SIX5: variants seen among roughly 807,000 people sequenced by gnomAD.
SIX5 encodes homeobox protein SIX5.
SIX5 carries 21 observed loss-of-function variants against 37.1 expected under a neutral mutation model. That is an observed-to-expected ratio of 0.57 (90% CI 0.40 to 0.81). The LOEUF (loss-of-function observed/expected upper bound fraction) is 0.81, where lower values mean the gene tolerates loss of function less well. SIX5 is among the 40% of genes least tolerant of loss of function. The probability of loss-of-function intolerance (pLI) is 0.00; values close to 1 mark genes in which losing one functional copy is unlikely to be tolerated. For synonymous variants in SIX5, 626 were observed against 505.9 expected (o/e 1.24, Z -3.19); for missense variants, 1,137 against 1,025.1 (o/e 1.11, Z -1.49).
In SIX5 at chr19:45,766,689, G is replaced by T. The variant is rs1461757376; in HGVS notation, c.1270C>A (p.Pro424Thr). ...GPALGEEVLG[P>T]LAQVVPGPPT... ...GGGCCAGGCACCACTTGGGCCAGGGGCCCCAGGACCTCCTCTCCAAGGGCT... is the reference window on the plus strand; with the variant it reads ...GGGCCAGGCACCACTTGGGCCAGGGTCCCCAGGACCTCCTCTCCAAGGGCT... Residue 424 changes from proline (P) to threonine (T), a missense_variant, in exon 2 of 3, where the codon CCC becomes ACC. Coordinates refer to ENST00000317578, the MANE Select transcript of SIX5 (RefSeq NM_175875.5). The T allele has an allele frequency of 3.3e-6, 5 of 1,517,054 alleles. No homozygotes were observed. In the South Asian group the frequency reaches 6.2e-5, roughly 19 times the overall value. The allele number at this position is 1,517,054 out of a possible 1,614,324, so 94.0% of individuals were successfully genotyped here. A position where few individuals can be genotyped will look rare whatever the true frequency, so the allele number is the denominator to read the frequency against.
Position 45,768,039 on chromosome 19 carries a change from C to T in SIX5, c.803+3G>A. 6.3e-7 allele frequency: 1 copy of T among 1,594,406 alleles called. No homozygotes were observed. Among genetic ancestry groups the T allele is most frequent in the Non-Finnish European group, 8.5e-7 (1 of 1,177,874 alleles). On this transcript the variant is annotated splice_donor_region_variant and intron_variant, in intron 1 of 2. Transcript: ENST00000317578. The stretch of plus-strand genomic sequence containing the variant: ...TGGACTTGCGCCGCCCGAGGCCCCT[C>T]ACCTCTTGCAGGGCGCGCCGCCTCC...
chr19:45,768,403 C>T lies in SIX5; in HGVS notation c.442G>A (p.Glu148Lys), dbSNP rs1969133008. ...TGGGCGGCGGGGAAGGGGCGGCTCTCGAGTAGCCGGTAGAGCTCGGCGTAC... is the reference window on the plus strand; with the variant it reads ...TGGGCGGCGGGGAAGGGGCGGCTCTTGAGTAGCCGGTAGAGCTCGGCGTAC... ...GEYAELYRLL[E>K]SRPFPAAHHA... The change falls in exon 1 of 3, where the codon GAG becomes AAG. Residue 148 changes from glutamate (E) to lysine (K), a missense_variant. Around this residue, in one of 3 missense-constraint regions of SIX5, gnomAD observed 331 missense variants for 360.9 expected, o/e 0.92. Coordinates refer to ENST00000317578, the MANE Select transcript of SIX5 (RefSeq NM_175875.5). 6.4e-7 allele frequency: 1 copy of T among 1,564,386 alleles called. No homozygotes were observed. Among genetic ancestry groups the T allele is most frequent in the African/African-American group, 1.3e-5 (1 of 74,178 alleles).
chr19:45,766,980 A>T lies in SIX5; in HGVS notation c.979T>A (p.Phe327Ile), dbSNP rs753394237. ...GCTGGGGAGCCGCTGGCTGCCAGGA[A>T]GCTCCCGTTCACCAGGATGGAGGAG... is the stretch of plus-strand genomic sequence containing the variant. ...ASSSILVNGS[F>I]LAASGSPAVL... Residue 327 changes from phenylalanine (F) to isoleucine (I), a missense_variant, in exon 2 of 3, where the codon TTC becomes ATC. By Grantham distance (21) the Phe-to-Ile change is conservative (BLOSUM62 0). Around this residue, in one of 3 missense-constraint regions of SIX5, gnomAD observed 787 missense variants for 621.4 expected, o/e 1.27. Coordinates refer to ENST00000317578, the MANE Select transcript of SIX5 (RefSeq NM_175875.5). 10 of 1,599,968 alleles carry T rather than the reference A, an allele frequency of 6.3e-6. No individual in the cohort carries two copies. The African/African-American group carries it at 1.2e-4, about 19-fold the overall frequency.
At chr19:45,767,881 A>C (rs2146208271) in intron 1 of SIX5, 161 bp downstream of exon 1, 1 of 733,184 alleles carries the variant, frequency 1.4e-6, no homozygotes, top group East Asian at 2.8e-5. Context: ...TCCCGTCCAC[A>C]CTTAGTCCCC....
In SIX5 at chr19:45,765,574, T is replaced by C. The variant is rs1315472515; in HGVS notation, c.2147A>G (p.Glu716Gly). 1 of 1,613,284 alleles carries C rather than the reference T, an allele frequency of 6.2e-7. No individual in the cohort carries two copies. Among genetic ancestry groups the C allele is most frequent in the South Asian group, 1.1e-5 (1 of 91,084 alleles). Residue 716 changes from glutamate (E) to glycine (G), a missense_variant, in exon 3 of 3, where the codon GAG becomes GGG. This residue lies in a region of SIX5 where 787 missense variants were observed against 621.4 expected (regional missense o/e 1.27). Coordinates refer to ENST00000317578, the MANE Select transcript of SIX5 (RefSeq NM_175875.5). ...LGATAGGEVD[E>G]GLEAEAKVLT... is the part of the protein sequence containing the mutation. Reference sequence around the variant, plus strand: ...AACCTTGGCCTCAGCTTCCAACCCCTCGTCAACCTCACCCCCTGCGGTGGC... The same window carrying C: ...AACCTTGGCCTCAGCTTCCAACCCCCCGTCAACCTCACCCCCTGCGGTGGC...
At position 45,768,266 on chromosome 19, in the gene SIX5, C is replaced by T; in HGVS notation, c.579G>A (p.Pro193=). 1.2e-6 allele frequency: 2 copies of T among 1,612,842 alleles called. No individual in the cohort carries two copies. Among genetic ancestry groups the T allele is most frequent in the Non-Finnish European group, 1.7e-6 (2 of 1,179,640 alleles). ...CGCCGTCCCAGATGGTCTTGGGCAG[C>T]GGGAACTTCTTGCGCAGTCGATACT... ...VDKYRLRKKF[P]LPKTIWDGEE... The change falls in exon 1 of 3, where the codon CCG becomes CCA. Residue 193 remains proline (P), a synonymous_variant. Transcript: ENST00000317578.
chr19:45,765,375 G>A lies in SIX5; in HGVS notation c.*126C>T, dbSNP rs1969047227. ...CCCAGCACCACCAGGGCTTGGAGAGGCCACCCAGGCAGAAGGATGTGGTGA... is the reference window on the plus strand; with the variant it reads ...CCCAGCACCACCAGGGCTTGGAGAGACCACCCAGGCAGAAGGATGTGGTGA... On this transcript the variant is annotated 3_prime_UTR_variant, in exon 3 of 3. Transcript: ENST00000317578. The A allele has an allele frequency of 2.1e-6, 3 of 1,407,318 alleles. No homozygotes were observed. Among genetic ancestry groups the A allele is most frequent in the Non-Finnish European group, 2.0e-6 (2 of 1,003,530 alleles). 87.2% of individuals were successfully genotyped at this position (1,407,318 alleles called of 1,614,324 possible). A position where few individuals can be genotyped will look rare whatever the true frequency, so the allele number is the denominator to read the frequency against.
Position 45,766,454 on chromosome 19 carries a change from C to G in SIX5, c.1505G>C (p.Gly502Ala). Reference sequence around the variant, plus strand: ...TGCAGCTGCCACCTTCACAGGGCTGCCTGGCCCGGCTGCCAACAGCTGCAG... The same window carrying G: ...TGCAGCTGCCACCTTCACAGGGCTGGCTGGCCCGGCTGCCAACAGCTGCAG... ...GPLQLLAAGP[G>A]SPVKVAAAAG... Residue 502 changes from glycine (G) to alanine (A), a missense_variant, in exon 2 of 3, where the codon GGC becomes GCC. Transcript: ENST00000317578. 1 of 1,541,866 alleles carries G rather than the reference C, an allele frequency of 6.5e-7. No homozygotes were observed. The highest frequency in any genetic ancestry group is 8.8e-7 in the Non-Finnish European group (1 of 1,142,178).
chr19:45,766,863 C>G lies in SIX5; in HGVS notation c.1096G>C (p.Gly366Arg). Residue 366 changes from glycine to arginine, a missense_variant, in exon 2 of 3, where the codon GGT becomes CGT. Around this residue, in one of 3 missense-constraint regions of SIX5, gnomAD observed 787 missense variants for 621.4 expected, o/e 1.27. Coordinates refer to ENST00000317578, the MANE Select transcript of SIX5 (RefSeq NM_175875.5). ...LGPLLLTGGG[G>R]APPPQPSPQG... is the part of the protein sequence containing the mutation. ...GGGCTGGGCTGCGGTGGAGGGGCAC[C>G]CCCGCCCCCAGTGAGCAGCAGCGGG... 18 of 1,543,826 alleles carry G rather than the reference C, an allele frequency of 1.2e-5. No individual in the cohort carries two copies. The highest frequency in any genetic ancestry group is 1.6e-5 in the Non-Finnish European group (18 of 1,147,300).
rs776155687 is a variant in SIX5, at chr19:45,768,177, T to C, written c.668A>G (p.Asn223Ser). The C allele has an allele frequency of 1.9e-6, 3 of 1,612,940 alleles. No homozygotes were observed. Among genetic ancestry groups the C allele is most frequent in the Non-Finnish European group, 2.5e-6 (3 of 1,179,784 alleles). The change falls in exon 1 of 3, where the codon AAC becomes AGC. Residue 223 changes from asparagine (N) to serine (S), a missense_variant. Around this residue, in one of 3 missense-constraint regions of SIX5, gnomAD observed 331 missense variants for 360.9 expected, o/e 0.92. Coordinates refer to ENST00000317578, the MANE Select transcript of SIX5 (RefSeq NM_175875.5). ...CTTCTCGTCCGGCGTGGGGTAGCGG[T>C]TGCCGCGGTAGCAGGCCTTGAGCGC... ...RAALKACYRG[N>S]RYPTPDEKRR...
chr19:45,765,997 T>TG lies in SIX5; in HGVS notation c.1723dup (p.Gln575ProfsTer23). On this transcript the variant is annotated frameshift_variant, in exon 3 of 3. Transcript: ENST00000317578. LOFTEE classifies it high-confidence loss of function. ...CAGGCCGGGGGCTGGCGGCAGGACC[T>TG]GGGAGACGAGCATGCTGGTGGGGAA... The TG allele has an allele frequency of 6.2e-7, 1 of 1,602,752 alleles. No individual in the cohort carries two copies. The highest frequency in any genetic ancestry group is 1.3e-5 in the African/African-American group (1 of 74,888).
rs1306725067 is a variant in SIX5 at position 45,766,715 on chromosome 19, G to A, written c.1244C>T (p.Pro415Leu). 6.4e-7 allele frequency: 1 copy of A among 1,558,622 alleles called. No homozygotes were observed. The highest frequency in any genetic ancestry group is 8.7e-7 in the Non-Finnish European group (1 of 1,154,296). The change falls in exon 2 of 3, where the codon CCA (proline) becomes CTA (leucine). Residue 415 changes from proline to leucine, a missense_variant. Coordinates refer to ENST00000317578, the MANE Select transcript of SIX5 (RefSeq NM_175875.5). ...TKGAQVAAPG[P>L]ALGEEVLGPL... Reference sequence around the variant, plus strand: ...CCCCAGGACCTCCTCTCCAAGGGCTGGTCCCGGAGCAGCCACCTGGGCCCC... The same window carrying A: ...CCCCAGGACCTCCTCTCCAAGGGCTAGTCCCGGAGCAGCCACCTGGGCCCC...
chr19:45,769,014 G>T lies in SIX5; in HGVS notation c.-170C>A. The T allele has an allele frequency of 1.6e-6, 1 of 629,522 alleles. No individual in the cohort carries two copies. The highest frequency in any genetic ancestry group is 3.1e-5 in the East Asian group (1 of 31,796). The allele number at this position is 629,522 out of a possible 1,614,324, so 39.0% of individuals were successfully genotyped here. On this transcript the variant is annotated 5_prime_UTR_variant, in exon 1 of 3. Transcript: ENST00000317578. ...GAAGGCGAGATCCAGCTCTCCACTCGGGTCTCTGTCCCCTTGTGTGTGTCC... is the reference window on the plus strand; with the variant it reads ...GAAGGCGAGATCCAGCTCTCCACTCTGGTCTCTGTCCCCTTGTGTGTGTCC...
At position 45,765,262 on chromosome 19, in the gene SIX5, G is replaced by T. The variant is rs577252141; in HGVS notation, c.*239C>A. ...CCCTGAGTCCCCCACGTATATGGCAGGGCACAGCATGGGGAGGGCTGTAAC... is the reference window on the plus strand; with the variant it reads ...CCCTGAGTCCCCCACGTATATGGCATGGCACAGCATGGGGAGGGCTGTAAC... On this transcript the variant is annotated 3_prime_UTR_variant, in exon 3 of 3. Transcript: ENST00000317578. 48 of 617,162 alleles carry T rather than the reference G, an allele frequency of 7.8e-5. No individual in the cohort carries two copies. Among genetic ancestry groups the T allele is most frequent in the Non-Finnish European group, 1.3e-4 (46 of 345,734 alleles). The allele number at this position is 617,162 out of a possible 1,614,324, so 38.2% of individuals were successfully genotyped here. A position where few individuals can be genotyped will look rare whatever the true frequency, so the allele number is the denominator to read the frequency against.
Position 45,768,335 on chromosome 19 carries a change from A to G in SIX5, c.510T>C (p.His170=), listed in dbSNP as rs754407920. 2.5e-6 allele frequency: 4 copies of G among 1,603,586 alleles called. No individual in the cohort carries two copies. Among genetic ancestry groups the G allele is most frequent in the South Asian group, 1.1e-5 (1 of 89,968 alleles). The change falls in exon 1 of 3, where the codon CAT becomes CAC. Residue 170 remains histidine, a synonymous_variant. Coordinates refer to ENST00000317578, the MANE Select transcript of SIX5 (RefSeq NM_175875.5). ...LQDLYLRARY[H]EAERARGRAL... ...CGCGGCCGCGGGCCCGCTCGGCCTC[A>G]TGGTAGCGCGCGCGCAGGTAGAGGT...
At chr19:45,767,527 GGA>G (rs980094115) in intron 1 of SIX5, among the ~76,000 whole-genome samples, 7 of 152,114 alleles carry the variant, frequency 4.6e-5, no homozygotes, top group African/African-American at 1.7e-4. Flanking sequence ...GTCAGAGAAG[GGA>G]GAGGCCGGCG....
At position 45,765,435 on chromosome 19, in the gene SIX5, C is replaced by T; in HGVS notation, c.*66G>A. On this transcript the variant is annotated 3_prime_UTR_variant, in exon 3 of 3. Transcript: ENST00000317578. ...TCAGCAACCGCATTTCTGGGGCTCC[C>T]CCCTCCCATTCCTGTCCCTGCGTCT... 1 of 1,609,322 alleles carries T rather than the reference C, an allele frequency of 6.2e-7. No homozygotes were observed. Among genetic ancestry groups the T allele is most frequent in the Non-Finnish European group, 8.5e-7 (1 of 1,178,424 alleles).
chr19:45,767,968 G>A, intron 1 of SIX5, 74 bp downstream of exon 1: 2 of 1,470,420 alleles, frequency 1.4e-6, no homozygotes, highest in Non-Finnish European at 1.8e-6. Context: ...CCCCAGCAGT[G>A]GGCACGGGGG....
chr19:45,767,417 T>C (rs1483239020), intron 1 of SIX5, among the ~76,000 whole-genome samples: 1 of 152,184 alleles, frequency 6.6e-6, no homozygotes, highest in Non-Finnish European at 1.5e-5. Flanking sequence ...AGCTCCCAGG[T>C]TGCCCTAAAA....
Sources: gnomAD v4.1 joint callset for allele counts (sites outside exome capture counted in the v4.1 genomes callset) on GRCh38, gnomAD v4.1.1 for gene constraint, gnomAD v4.1.1 regional missense constraint, MANE v1.5 for transcripts, NCBI Gene and HGNC (gene_info 2026-07-23, HGNC 2026-07-21) for gene names.